GRID1: variants seen among roughly 807,000 people sequenced by gnomAD.
The protein encoded by GRID1 is glutamate receptor ionotropic, delta-1.
In GRID1, 28 loss-of-function variants were observed where a neutral mutation model predicts 98.0. The ratio of observed to expected loss-of-function variants is 0.29; its 90% confidence interval spans 0.21 to 0.39. The LOEUF (loss-of-function observed/expected upper bound fraction) is 0.39. Among genes scored for constraint, GRID1 ranks in the 10% least tolerant of loss-of-function variants. The probability of loss-of-function intolerance (pLI) is 1.00; values close to 1 mark genes in which losing one functional copy is unlikely to be tolerated. For missense variants in GRID1, 1,111 were observed against 1,340.5 expected, an observed-to-expected ratio of 0.83 and a Z score of 2.67; for synonymous variants, 553 against 538.5, an observed-to-expected ratio of 1.03 and a Z score of -0.37.
At chr10:86,356,537 A>G (rs972873345) in intron 2 of GRID1, among the ~76,000 whole-genome samples, 5 of 152,172 alleles carry the variant, frequency 3.3e-5, no homozygotes, top group Admixed American at 1.3e-4. Flanking sequence ...AGCCCCCCAG[A>G]GCTCTCTTTC....
At chr10:86,268,794 T>G (rs1210861461) in intron 2 of GRID1, among the ~76,000 whole-genome samples, 2 of 152,072 alleles carry the variant, frequency 1.3e-5, no homozygotes, top group East Asian at 3.9e-4. Flanking sequence ...AGTTTGAGAC[T>G]AGCCTGGTCA....
At chr10:86,230,883 C>T (rs1412516960) in intron 2 of GRID1, among the ~76,000 whole-genome samples, 1 of 152,216 alleles carries the variant, frequency 6.6e-6, no homozygotes, top group East Asian at 1.9e-4. Context: ...GGGCTCCCTC[C>T]ATGGATGGTG....
chr10:86,297,228 T>C (rs1847606398), intron 2 of GRID1, among the ~76,000 whole-genome samples: 1 of 152,060 alleles, frequency 6.6e-6, no homozygotes, highest in Non-Finnish European at 1.5e-5. Context: ...AAACTAGATA[T>C]AAAAATTATT....
chr10:85,628,928 T>C (rs1031531628), intron 13 of GRID1, among the ~76,000 whole-genome samples: 10 of 152,146 alleles, frequency 6.6e-5, no homozygotes, highest in Non-Finnish European at 1.3e-4. Flanking sequence ...TTGTGTGGCA[T>C]GCAGAGCACA....
chr10:85,619,465 T>C (rs992685344), intron 14 of GRID1, among the ~76,000 whole-genome samples: 1 of 152,268 alleles, frequency 6.6e-6, no homozygotes, highest in Non-Finnish European at 1.5e-5. Flanking sequence ...CTGCTAATTA[T>C]TCATTTTTCT....
At chr10:86,146,391 C>A (rs1845089906) in intron 3 of GRID1, among the ~76,000 whole-genome samples, 1 of 152,130 alleles carries the variant, frequency 6.6e-6, no homozygotes, top group Non-Finnish European at 1.5e-5. Context: ...AGAGCCCTAC[C>A]CAGCCTCCTC....
At chr10:86,343,547 C>T (rs1848340612) in intron 2 of GRID1, among the ~76,000 whole-genome samples, 1 of 152,174 alleles carries the variant, frequency 6.6e-6, no homozygotes, top group African/African-American at 2.4e-5. Flanking sequence ...ATGAAATATT[C>T]CTTGCAGAGA....
chr10:85,999,767 G>A (rs995542818), intron 4 of GRID1, among the ~76,000 whole-genome samples: 3 of 152,114 alleles, frequency 2.0e-5, no homozygotes, highest in African/African-American at 7.2e-5. Flanking sequence ...ACAAAATGCA[G>A]CTTTCTTTCA....
intron 2 of GRID1, among the ~76,000 whole-genome samples, chr10:86,212,571 G>A (rs371185579): frequency 7.2e-5 from 11 of 152,324 alleles, no homozygotes; most frequent in African/African-American, 2.6e-4. Flanking sequence ...CTCTCCCCAA[G>A]GGAGTCCAGC....
rs1870151 is a variant in GRID1 at position 86,166,651 on chromosome 10, C to T, written c.521-27627G>A. On this transcript the variant is annotated intron_variant, in intron 3 of 15. Transcript: ENST00000327946. Reference sequence around the variant, plus strand: ...GCTGCCACAACAGCCCAGTTCCTGGCGCCACAGCATAAATTGGCCTGGCTG... The same window carrying T: ...GCTGCCACAACAGCCCAGTTCCTGGTGCCACAGCATAAATTGGCCTGGCTG... Among the ~76,000 whole-genome samples the T allele has an allele frequency of 5.0e-3, 756 of 152,274 alleles. 6 individuals carry two copies. The highest frequency in any genetic ancestry group is 0.017 in the African/African-American group (723 of 41,556).
intron 2 of GRID1, among the ~76,000 whole-genome samples, chr10:86,272,203 G>A (rs1284749459): frequency 6.6e-6 from 1 of 152,072 alleles, no homozygotes; most frequent in African/African-American, 2.4e-5. Context: ...GATGGTGGAG[G>A]AGAACGGCAG....
chr10:85,766,743 T>TGTGC (rs1414517164), intron 8 of GRID1, among the ~76,000 whole-genome samples: 13 of 151,300 alleles, frequency 8.6e-5, no homozygotes, highest in Non-Finnish European at 1.5e-4. Context: ...TGTGTGTGTG[T>TGTGC]GTGTGTGTGT....
intron 12 of GRID1, among the ~76,000 whole-genome samples, chr10:85,657,351 A>C (rs1840911908): frequency 6.6e-6 from 1 of 152,040 alleles, no homozygotes; most frequent in Non-Finnish European, 1.5e-5. Flanking sequence ...GTGACCAATC[A>C]CCCCAGTTTG....
chr10:86,169,323 G>A (rs1845447337), intron 3 of GRID1, among the ~76,000 whole-genome samples: 1 of 151,846 alleles, frequency 6.6e-6, no homozygotes, highest in African/African-American at 2.4e-5. Flanking sequence ...GGTATGCTAG[G>A]AGAGGTTTAA....
chr10:85,972,133 G>A (rs1480452238), intron 4 of GRID1, among the ~76,000 whole-genome samples: 6 of 151,204 alleles, frequency 4.0e-5, no homozygotes, highest in Admixed American at 2.6e-4. Flanking sequence ...CAGAAAAAGC[G>A]TTCAAGGTTT....
chr10:85,804,102 C>G (rs1445144263), intron 8 of GRID1, among the ~76,000 whole-genome samples: 1 of 149,556 alleles, frequency 6.7e-6, no homozygotes, highest in African/African-American at 2.5e-5. Context: ...TCATTCTTGA[C>G]AGTAACAATA....
chr10:85,771,167 T>G (rs1300471218), intron 8 of GRID1, among the ~76,000 whole-genome samples: 3 of 152,178 alleles, frequency 2.0e-5, no homozygotes, highest in Non-Finnish European at 4.4e-5. Flanking sequence ...GGGCCAATAT[T>G]CAACACTCTT....
chr10:86,364,924 T>C (rs1033603514), intron 1 of GRID1, among the ~76,000 whole-genome samples: 4 of 152,080 alleles, frequency 2.6e-5, no homozygotes, highest in Admixed American at 6.5e-5. Flanking sequence ...CCACGGACCC[T>C]GCGCTTCCAG....
chr10:85,670,282 A>G (rs1020823514), intron 12 of GRID1, among the ~76,000 whole-genome samples: 1 of 152,162 alleles, frequency 6.6e-6, no homozygotes, highest in Non-Finnish European at 1.5e-5. Context: ...TGTTGTGTAG[A>G]CGATTCAAAG....
Sources: gnomAD v4.1 joint callset for allele counts (sites outside exome capture counted in the v4.1 genomes callset) on GRCh38, gnomAD v4.1.1 for gene constraint, MANE v1.5 for transcripts, NCBI Gene and HGNC (gene_info 2026-07-23, HGNC 2026-07-21) for gene names.